Variants in ADAMTS12 observed in about 807,000 individuals in gnomAD.
ADAMTS12 encodes the protein ADAM metallopeptidase with thrombospondin type 1 motif 12, also known as A disintegrin and metalloproteinase with thrombospondin motifs 12.
Under a neutral mutation model 167.8 loss-of-function variants are expected in ADAMTS12, and 118 were observed. That is an observed-to-expected ratio of 0.70 (90% confidence interval 0.61 to 0.82). The LOEUF is 0.82. Among genes scored for constraint, ADAMTS12 ranks in the 40% least tolerant of loss-of-function variants. The pLI is 0.00. For synonymous variants in ADAMTS12, 704 were observed against 716.9 expected (o/e 0.98, Z 0.29); for missense variants, 1,916 against 1,998.8 (o/e 0.96, Z 0.79).
chr5:33,532,493 T>C (rs1744167470), intron 23 of ADAMTS12, among the ~76,000 whole-genome samples: 1 of 151,452 alleles, frequency 6.6e-6, no homozygotes, highest in South Asian at 2.1e-4. Flanking sequence ...TTTTTTGGCC[T>C]TTTCTACCCT....
chr5:33,734,780 A>G (rs1744313825), intron 3 of ADAMTS12, among the ~76,000 whole-genome samples: 1 of 152,206 alleles, frequency 6.6e-6, no homozygotes, highest in African/African-American at 2.4e-5. Flanking sequence ...GTTCCACTGG[A>G]AGAAACATCA....
intron 2 of ADAMTS12, among the ~76,000 whole-genome samples, chr5:33,814,133 T>G (rs1747562645): frequency 6.6e-6 from 1 of 152,140 alleles, no homozygotes; most frequent in Non-Finnish European, 1.5e-5. Context: ...ATCTTTTCCT[T>G]TATCTTAGTG....
At chr5:33,648,347 T>C (rs879370894) in intron 9 of ADAMTS12, among the ~76,000 whole-genome samples, 4 of 152,208 alleles carry the variant, frequency 2.6e-5, no homozygotes, top group Admixed American at 6.5e-5. Context: ...ATGAAGAAGA[T>C]AGAACAGAGC....
rs199500334 is a variant in ADAMTS12 at position 33,649,706 on chromosome 5, G to A, written c.1191-9C>T. On this transcript the variant is annotated splice_polypyrimidine_tract_variant and intron_variant, in intron 7 of 23. Coordinates refer to ENST00000504830, the MANE Select transcript of ADAMTS12 (RefSeq NM_030955.4). ...CATGCTGGATGCCGAAGCTGGCAGG[G>A]AAGAACCAAGCACAAGAAGAGCCAG... The A allele has an allele frequency of 2.5e-6, 4 of 1,612,948 alleles. No individual in the cohort carries two copies. The highest frequency in any genetic ancestry group is 3.4e-6 in the Non-Finnish European group (4 of 1,179,442).
At chr5:33,569,241 C>T (rs4490582) in intron 19 of ADAMTS12, among the ~76,000 whole-genome samples, 3 of 152,058 alleles carry the variant, frequency 2.0e-5, no homozygotes, top group Non-Finnish European at 2.9e-5. Flanking sequence ...TGAAGAGAGC[C>T]GTCGTTCTCC....
At chr5:33,759,361 G>A (rs1745271770) in intron 2 of ADAMTS12, among the ~76,000 whole-genome samples, 1 of 152,250 alleles carries the variant, frequency 6.6e-6, no homozygotes, top group Non-Finnish European at 1.5e-5. Context: ...AAAGAAGCCA[G>A]ACTTCAGAGA....
At chr5:33,825,538 C>T (rs1399275635) in intron 2 of ADAMTS12, among the ~76,000 whole-genome samples, 1 of 152,112 alleles carries the variant, frequency 6.6e-6, no homozygotes, top group African/African-American at 2.4e-5. Context: ...GTTGCAGATG[C>T]TACACAAACC....
intron 3 of ADAMTS12, among the ~76,000 whole-genome samples, chr5:33,740,094 G>T (rs1260506033): frequency 2.0e-5 from 3 of 152,194 alleles, no homozygotes; most frequent in Admixed American, 6.5e-5. Context: ...TGGGATTTAT[G>T]TAACTTGCCC....
chr5:33,830,679 C>T (rs1465373039), intron 2 of ADAMTS12, among the ~76,000 whole-genome samples: 1 of 152,032 alleles, frequency 6.6e-6, no homozygotes, highest in Non-Finnish European at 1.5e-5. Flanking sequence ...GTAGTCTCAG[C>T]TACTTGGGAG....
intron 3 of ADAMTS12, among the ~76,000 whole-genome samples, chr5:33,741,870 C>A (rs528866429): frequency 2.5e-4 from 38 of 152,274 alleles, no homozygotes; most frequent in African/African-American, 9.1e-4. Flanking sequence ...TTGTGATCCA[C>A]CTGCCTCAGC....
At chr5:33,684,754 G>T (rs1213179825) in intron 3 of ADAMTS12, among the ~76,000 whole-genome samples, 1 of 152,190 alleles carries the variant, frequency 6.6e-6, no homozygotes, top group Non-Finnish European at 1.5e-5. Context: ...AGTATGAAAA[G>T]GATTTGATAC....
chr5:33,742,520 C>G (rs1211065091), intron 3 of ADAMTS12, among the ~76,000 whole-genome samples: 1 of 152,142 alleles, frequency 6.6e-6, no homozygotes, highest in Non-Finnish European at 1.5e-5. Context: ...TCCCAGTGCT[C>G]TTGGAATGCT....
At chr5:33,810,081 G>A (rs1336221990) in intron 2 of ADAMTS12, among the ~76,000 whole-genome samples, 1 of 151,706 alleles carries the variant, frequency 6.6e-6, no homozygotes, top group African/African-American at 2.4e-5. Flanking sequence ...GGAGAGGCAG[G>A]AGTGAAAGCA....
intron 1 of ADAMTS12, among the ~76,000 whole-genome samples, chr5:33,888,717 T>C (rs185774884): frequency 2.0e-3 from 302 of 152,318 alleles, no homozygotes; most frequent in African/African-American, 5.7e-3. Context: ...GTAAACAGCA[T>C]AGGGGTAAAC....
intron 11 of ADAMTS12, 105 bp downstream of exon 11, chr5:33,641,705 A>G: frequency 8.6e-7 from 1 of 1,156,568 alleles, no homozygotes; most frequent in Non-Finnish European, 1.1e-6. Context: ...CATTTAATTT[A>G]CCTGGAGGAG....
intron 16 of ADAMTS12, chr5:33,603,566 A>G (rs1367765170): frequency 6.6e-6 from 1 of 152,140 alleles, no homozygotes; most frequent in Non-Finnish European, 1.5e-5. Context: ...CGCTGAGGGG[A>G]GAGAAGAACA....
At chr5:33,602,214 C>T (rs1738221540) in intron 16 of ADAMTS12, among the ~76,000 whole-genome samples, 1 of 152,142 alleles carries the variant, frequency 6.6e-6, no homozygotes, top group South Asian at 2.1e-4. Flanking sequence ...TCTCCGCTGG[C>T]CGCACAGGGT....
intron 5 of ADAMTS12, among the ~76,000 whole-genome samples, chr5:33,668,470 C>T (rs943151288): frequency 6.6e-6 from 1 of 152,148 alleles, no homozygotes; most frequent in African/African-American, 2.4e-5. Flanking sequence ...GACTGATCTA[C>T]TGATTTACAT....
intron 2 of ADAMTS12, among the ~76,000 whole-genome samples, chr5:33,857,523 T>C (rs546960838): frequency 6.6e-6 from 1 of 152,242 alleles, no homozygotes; most frequent in East Asian, 1.9e-4. Context: ...GTATAACAGA[T>C]CACCAAGTTG....
Sources: allele counts gnomAD v4.1 joint callset (sites outside exome capture counted in the v4.1 genomes callset), GRCh38; gene constraint gnomAD v4.1.1; transcripts MANE v1.5; gene names NCBI Gene and HGNC (gene_info 2026-07-23, HGNC 2026-07-21).